Variants in TBC1D32 observed in about 807,000 individuals in gnomAD.
TBC1D32 encodes the protein protein broad-minded.
In TBC1D32, 151 loss-of-function variants were observed where a neutral mutation model predicts 170.3. The observed-to-expected ratio is 0.89, with a 90% CI of 0.78 to 1.01. The LOEUF (loss-of-function observed/expected upper bound fraction) is 1.01. TBC1D32 is among the 50% of genes least tolerant of loss of function. The pLI is 0.00. For missense variants in TBC1D32, 1,464 were observed against 1,457.1 expected (o/e 1.00, Z -0.08); for synonymous variants, 498 against 488.0 (o/e 1.02, Z -0.27).
intron 21 of TBC1D32, among the ~76,000 whole-genome samples, chr6:121,217,632 G>A (rs1332463127): frequency 2.0e-5 from 3 of 152,224 alleles, no homozygotes; most frequent in Admixed American, 6.5e-5. Context: ...AACAGACACT[G>A]GGGCCTATTA....
chr6:121,157,427 C>T (rs1327987085), intron 24 of TBC1D32, among the ~76,000 whole-genome samples: 13 of 152,080 alleles, frequency 8.5e-5, no homozygotes, highest in Admixed American at 8.5e-4. Flanking sequence ...TTGAAGACAG[C>T]AGACAGTTGG....
chr6:121,256,482 C>G (rs1799034592), intron 15 of TBC1D32, among the ~76,000 whole-genome samples, 197 bp from the exon 16 acceptor site: 2 of 151,980 alleles, frequency 1.3e-5, no homozygotes, highest in African/African-American at 2.4e-5. Flanking sequence ...GAAAAAAATA[C>G]AGAGACAGGG....
chr6:121,172,688 A>C (rs1787207802), intron 22 of TBC1D32, among the ~76,000 whole-genome samples: 1 of 152,182 alleles, frequency 6.6e-6, no homozygotes, highest in Non-Finnish European at 1.5e-5. Context: ...TGTCATGAGT[A>C]TTTCCTCCTT....
intron 12 of TBC1D32, among the ~76,000 whole-genome samples, chr6:121,286,322 C>T (rs982518743): frequency 3.3e-5 from 5 of 152,208 alleles, no homozygotes; most frequent in African/African-American, 7.2e-5. Flanking sequence ...AACCAATGCA[C>T]GAGAACTACG....
intron 26 of TBC1D32, 27 bp downstream of exon 26, chr6:121,126,351 T>A: frequency 6.4e-7 from 1 of 1,555,254 alleles, no homozygotes; most frequent in Non-Finnish European, 8.8e-7. Flanking sequence ...TGAGTCTTTT[T>A]CAAACTTCAC....
chr6:121,162,101 T>C (rs1462830719), intron 22 of TBC1D32, among the ~76,000 whole-genome samples: 1 of 152,220 alleles, frequency 6.6e-6, no homozygotes, highest in Non-Finnish European at 1.5e-5. Flanking sequence ...TAGATCTTTG[T>C]CAGATGGCCA....
rs9490162 is a variant in TBC1D32 at position 121,334,246 on chromosome 6, A to T, written c.155+30T>A. ...TGGACCCTCTCTGGATCGATGGTTTATAGGCTTAAAACATCAAAAGCAATT... is the reference window on the plus strand; with the variant it reads ...TGGACCCTCTCTGGATCGATGGTTTTTAGGCTTAAAACATCAAAAGCAATT... On this transcript the variant is annotated intron_variant, in intron 1 of 31. Transcript: ENST00000398212. 5.8e-3 allele frequency: 9,272 copies of T among 1,600,318 alleles called. 536 individuals are homozygous for T. The African/African-American group carries it at 0.11, about 19-fold the overall frequency.
chr6:121,313,548 C>T (rs1808542508), intron 3 of TBC1D32, among the ~76,000 whole-genome samples: 1 of 152,074 alleles, frequency 6.6e-6, no homozygotes, highest in African/African-American at 2.4e-5. Context: ...TGTCCCAGGC[C>T]TAACTCTAGG....
At chr6:121,253,152 C>T (rs1307641743) in intron 17 of TBC1D32, among the ~76,000 whole-genome samples, 3 of 151,958 alleles carry the variant, frequency 2.0e-5, no homozygotes, top group Non-Finnish European at 4.4e-5. Flanking sequence ...AAAAAATAAG[C>T]GGAGTAACCA....
chr6:121,115,195 C>T lies in TBC1D32; in HGVS notation c.3030G>A (p.Gln1010=). 4 of 1,602,586 alleles carry T rather than the reference C, an allele frequency of 2.5e-6. No homozygotes were observed. Among genetic ancestry groups the T allele is most frequent in the Non-Finnish European group, 3.4e-6 (4 of 1,173,452 alleles). The change falls in exon 27 of 32, where the codon CAG becomes CAA. Residue 1010 remains glutamine (Q), a synonymous_variant. Coordinates refer to ENST00000398212, the MANE Select transcript of TBC1D32 (RefSeq NM_152730.6). ...VKNESLSSVQ[Q]LGIKMTVRYG... Reference sequence around the variant, plus strand: ...ACCTGACAGTCATTTTAATGCCAAGCTGCTGCACAGATGAAAGACTTTCAT... The same window carrying T: ...ACCTGACAGTCATTTTAATGCCAAGTTGCTGCACAGATGAAAGACTTTCAT...
chr6:121,253,711 TC>T (rs2128390101), intron 17 of TBC1D32, among the ~76,000 whole-genome samples: 1 of 151,908 alleles, frequency 6.6e-6, no homozygotes, highest in East Asian at 1.9e-4. Context: ...AGAGCGAGAT[TC>T]CGTCTCAAAA....
At chr6:121,151,655 T>C (rs1784227968) in intron 24 of TBC1D32, among the ~76,000 whole-genome samples, 1 of 152,238 alleles carries the variant, frequency 6.6e-6, no homozygotes, top group African/African-American at 2.4e-5. Flanking sequence ...TGTAGGTCTC[T>C]AAGAACTTGC....
At position 121,256,064 on chromosome 6, in the gene TBC1D32, C is replaced by A; in HGVS notation, c.1935+20G>T. 1 of 1,593,380 alleles carries A rather than the reference C, an allele frequency of 6.3e-7. No homozygotes were observed. The highest frequency in any genetic ancestry group is 8.5e-7 in the Non-Finnish European group (1 of 1,172,458). On this transcript the variant is annotated intron_variant, in intron 16 of 31. Coordinates refer to ENST00000398212, the MANE Select transcript of TBC1D32 (RefSeq NM_152730.6). ...AATAAAGATTTGCAGGGAGAAAAAACGAAGCTTGAAAATACTTACCTTTTT... is the reference window on the plus strand; with the variant it reads ...AATAAAGATTTGCAGGGAGAAAAAAAGAAGCTTGAAAATACTTACCTTTTT...
intron 20 of TBC1D32, among the ~76,000 whole-genome samples, chr6:121,235,350 T>TA (rs1191473674): frequency 2.0e-5 from 3 of 151,310 alleles, no homozygotes; most frequent in African/African-American, 7.3e-5. Flanking sequence ...CCAGGGAGGG[T>TA]AAAAAAAGAC....
intron 26 of TBC1D32, among the ~76,000 whole-genome samples, chr6:121,121,502 T>C (rs1052979059): frequency 2.0e-5 from 3 of 152,072 alleles, no homozygotes; most frequent in Non-Finnish European, 1.5e-5. Context: ...TGTCTCTTTA[T>C]TCACTGCCCC....
intron 22 of TBC1D32, among the ~76,000 whole-genome samples, chr6:121,176,609 C>G (rs186111156): frequency 3.2e-4 from 49 of 151,992 alleles, no homozygotes; most frequent in Admixed American, 9.2e-4. Context: ...TTTCTCCCCC[C>G]ACCCCCGAGA....
At chr6:121,213,515 A>AAAAT (rs1562933697) in intron 21 of TBC1D32, among the ~76,000 whole-genome samples, 8 of 25,874 alleles carry the variant, frequency 3.1e-4, no homozygotes, top group Admixed American at 1.7e-3. Flanking sequence ...AAAATAAAAT[A>AAAAT]AAATAAAATA....
At chr6:121,161,547 T>C (rs1785662680) in intron 22 of TBC1D32, among the ~76,000 whole-genome samples, 1 of 152,218 alleles carries the variant, frequency 6.6e-6, no homozygotes, top group African/African-American at 2.4e-5. Flanking sequence ...TATAGCTGCA[T>C]AGTATTACAT....
chr6:121,168,333 C>G (rs77278866), intron 22 of TBC1D32, among the ~76,000 whole-genome samples: 96,112 of 138,364 alleles, frequency 0.69, 38,128 homozygotes, highest in Non-Finnish European at 0.87. Flanking sequence ...CAATGATAGA[C>G]TGGATTAAGA....
Sources: gnomAD v4.1 joint callset for allele counts (sites outside exome capture counted in the v4.1 genomes callset) on GRCh38, gnomAD v4.1.1 for gene constraint, MANE v1.5 for transcripts, NCBI Gene and HGNC (gene_info 2026-07-23, HGNC 2026-07-21) for gene names.